FRMD8: variants seen among roughly 807,000 people sequenced by gnomAD.
FRMD8 encodes FERM domain containing 8, also known as FERM domain-containing protein 8.
FRMD8 carries 37 observed loss-of-function variants against 54.2 expected under a neutral mutation model. The ratio of observed to expected loss-of-function variants is 0.68; its 90% CI spans 0.53 to 0.90. The LOEUF is 0.90. Among genes scored for constraint, FRMD8 ranks in the 40% least tolerant of loss-of-function variants. The pLI is 0.00. For synonymous variants in FRMD8, 246 were observed against 286.9 expected, an observed-to-expected ratio of 0.86 and a Z score of 1.44; for missense variants, 585 against 653.7, an observed-to-expected ratio of 0.89 and a Z score of 1.15.
chr11:65,376,307 G>A, the FRMD8 span: 1 of 1,416,526 alleles, frequency 7.1e-7, no homozygotes, highest in South Asian at 1.3e-5. Context: ...GAAGGGCTGA[G>A]CCTCTTGCAC....
chr11:65,400,044 C>G lies in FRMD8; in HGVS notation c.927+185C>G, dbSNP rs771509921. ...ATCCTGGGTCCTCTTGCCCAACATG[C>G]TAGGCTGTGGGGTGGCCGGGGCAGG... On this transcript the variant is annotated intron_variant, in intron 8 of 10. Transcript: ENST00000317568. The surrounding 1 kb of genome is among the most constrained non-coding windows in gnomAD (Gnocchi z 4.3). 61 of 677,148 alleles carry G rather than the reference C, an allele frequency of 9.0e-5. No homozygotes were observed. Among genetic ancestry groups the G allele is most frequent in the Non-Finnish European group, 1.4e-4 (58 of 427,734 alleles). 41.9% of individuals were successfully genotyped at this position (677,148 alleles called of 1,614,324 possible). A position where few individuals can be genotyped will look rare whatever the true frequency, so the allele number is the denominator to read the frequency against.
At chr11:65,391,144 G>A (rs553435418) in intron 3 of FRMD8, among the ~76,000 whole-genome samples, 1 of 152,390 alleles carries the variant, frequency 6.6e-6, no homozygotes, top group South Asian at 2.1e-4. Flanking sequence ...GGATGTTTTG[G>A]CAGGGCTTAG....
chr11:65,378,746 C>T, the FRMD8 span: 1 of 152,382 alleles, frequency 6.6e-6, no homozygotes, highest in Admixed American at 6.5e-5. Flanking sequence ...CCGGGCGCAC[C>T]CTCTCCCTGC....
At chr11:65,385,682 C>G (rs1433452208), upstream of FRMD8, among the ~76,000 whole-genome samples, 1 of 152,158 alleles carries the variant, frequency 6.6e-6, no homozygotes, top group African/African-American at 2.4e-5. Flanking sequence ...CTCCTCCCAG[C>G]CTGGGAAAAC....
chr11:65,406,995 T>C (rs1856213381), intron 10 of FRMD8, among the ~76,000 whole-genome samples: 1 of 152,064 alleles, frequency 6.6e-6, no homozygotes, highest in African/African-American at 2.4e-5. Flanking sequence ...ATGCATCTTG[T>C]GTCAGATCCT....
At chr11:65,388,931 C>T in intron 2 of FRMD8, among the ~76,000 whole-genome samples, 1 of 151,980 alleles carries the variant, frequency 6.6e-6, no homozygotes, top group South Asian at 2.1e-4. Context: ...TGGTTTCAGC[C>T]TCTCTATGCT....
At chr11:65,398,243 C>T (rs531424082) in intron 7 of FRMD8, among the ~76,000 whole-genome samples, 11 of 152,312 alleles carry the variant, frequency 7.2e-5, no homozygotes, top group Admixed American at 3.9e-4. Context: ...AGTGATGCTC[C>T]CGCCTCAGCC....
chr11:65,392,260 G>T (rs374642348), intron 3 of FRMD8, among the ~76,000 whole-genome samples: 1 of 152,186 alleles, frequency 6.6e-6, no homozygotes, highest in Non-Finnish European at 1.5e-5. Flanking sequence ...CCCGTGTGGA[G>T]CTGTGGCTGC....
chr11:65,385,840 G>A (rs1448408713), upstream of FRMD8, among the ~76,000 whole-genome samples: 4 of 151,880 alleles, frequency 2.6e-5, no homozygotes, highest in African/African-American at 4.8e-5. Flanking sequence ...CGTCGCCCAG[G>A]CTAGAGTGCA....
chr11:65,406,771 C>T (rs1856208347), intron 10 of FRMD8, among the ~76,000 whole-genome samples: 1 of 151,980 alleles, frequency 6.6e-6, no homozygotes, highest in Non-Finnish European at 1.5e-5. Context: ...GAAAACTCTT[C>T]TCTACTAAAA....
At chr11:65,379,318 A>G in the FRMD8 span, 1 of 1,583,688 alleles carries the variant, frequency 6.3e-7, no homozygotes, top group South Asian at 1.1e-5. Flanking sequence ...GTGGGAGAGG[A>G]CAGATCGAGA....
chr11:65,380,625 G>T, the FRMD8 span: 1 of 1,291,688 alleles, frequency 7.7e-7, no homozygotes, highest in African/African-American at 1.5e-5. Context: ...ACGCAGAACT[G>T]CAGGGCCCTG....
upstream of FRMD8, among the ~76,000 whole-genome samples, chr11:65,386,416 C>T (rs2137850714): frequency 6.6e-6 from 1 of 152,370 alleles, no homozygotes; most frequent in Admixed American, 6.5e-5. Flanking sequence ...CTCTTACAGG[C>T]CAACAGTCGG....
the FRMD8 span, chr11:65,379,252 C>T: frequency 8.6e-7 from 1 of 1,161,848 alleles, no homozygotes; most frequent in Non-Finnish European, 1.2e-6. Context: ...TAGCACAGGC[C>T]TCTTGTTCCC....
intron 3 of FRMD8, among the ~76,000 whole-genome samples, chr11:65,390,107 A>G (rs1035701690): frequency 6.6e-6 from 1 of 152,090 alleles, no homozygotes; most frequent in African/African-American, 2.4e-5. Flanking sequence ...GGGTGGGAAG[A>G]GTAGAGACTT....
the FRMD8 span, chr11:65,376,267 A>T: frequency 3.5e-5 from 38 of 1,091,228 alleles, no homozygotes; most frequent in African/African-American, 5.6e-4. Flanking sequence ...CCCAGCCCAG[A>T]TCTGCGCGGG....
At chr11:65,376,664 C>A in the FRMD8 span, 52 of 1,613,770 alleles carry the variant, frequency 3.2e-5, no homozygotes, top group Non-Finnish European at 4.1e-5. Context: ...GCCACCAGCA[C>A]CGTGGCTGAG....
At chr11:65,389,075 T>C (rs1397665135) in intron 2 of FRMD8, among the ~76,000 whole-genome samples, 2 of 152,106 alleles carry the variant, frequency 1.3e-5, no homozygotes, top group Non-Finnish European at 2.9e-5. Context: ...AATTTGAATC[T>C]TGGGGGATTG....
the FRMD8 span, among the ~76,000 whole-genome samples, chr11:65,371,678 G>A: frequency 1.3e-5 from 2 of 152,180 alleles, no homozygotes; most frequent in Non-Finnish European, 2.9e-5. Flanking sequence ...GCAATGGCGC[G>A]ATTTTGGCTC....
Sources: allele counts gnomAD v4.1 joint callset (sites outside exome capture counted in the v4.1 genomes callset), GRCh38; gene constraint gnomAD v4.1.1; non-coding constraint Gnocchi (gnomAD v3.1); transcripts MANE v1.5; gene names NCBI Gene and HGNC (gene_info 2026-07-23, HGNC 2026-07-21).